Variants in EXOC3L2 observed in about 807,000 individuals in gnomAD.
The protein encoded by EXOC3L2 is exocyst complex component 3 like 2, also known as exocyst complex component 3-like protein 2.
In EXOC3L2, 17 loss-of-function variants were observed where a neutral mutation model predicts 44.4. The ratio of observed to expected loss-of-function variants is 0.38; its 90% CI spans 0.26 to 0.57. The LOEUF (loss-of-function observed/expected upper bound fraction) is 0.57, where lower values mean the gene tolerates loss of function less well. Ranked by LOEUF, EXOC3L2 falls within the 20% of genes least tolerant of loss-of-function variation. EXOC3L2 has a pLI of 0.65. For synonymous variants in EXOC3L2, 256 were observed against 253.7 expected (o/e 1.01, Z -0.09); for missense variants, 541 against 588.4 (o/e 0.92, Z 0.83).
At chr19:45,240,662 G>T (rs1010435659) in intron 1 of EXOC3L2, among the ~76,000 whole-genome samples, 1 of 152,166 alleles carries the variant, frequency 6.6e-6, no homozygotes, top group Non-Finnish European at 1.5e-5. Flanking sequence ...TTGGGAGGTG[G>T]AGGCAGGCAG....
In EXOC3L2 at chr19:45,227,125, C is replaced by CT. The variant is rs57940972; in HGVS notation, c.1583+536dup. ...AAAGGCAAAAAAAAAATCTGTCATT[C>CT]TTTTTTTTTTGAGACGGAGTCTTGC... On this transcript the variant is annotated intron_variant, in intron 7 of 11. Transcript: ENST00000413988. Among the ~76,000 whole-genome samples the CT allele has an allele frequency of 9.0e-3, 1,279 of 142,006 alleles. 18 individuals carry two copies. The highest frequency in any genetic ancestry group is 0.029 in the African/African-American group (1,130 of 38,804). The allele number at this position is 142,006 out of a possible 152,430, so 93.2% of individuals were successfully genotyped here.
chr19:45,218,863 C>T (rs1408401214), intron 8 of EXOC3L2, among the ~76,000 whole-genome samples: 7 of 151,930 alleles, frequency 4.6e-5, no homozygotes, highest in East Asian at 3.9e-4. Flanking sequence ...TTTGGTAGGC[C>T]GAGGCAGGAG....
In EXOC3L2 at chr19:45,228,260, T is replaced by G; in HGVS notation, c.1276A>C (p.Thr426Pro). ...DECVTDVKAQ[T>P]RAALLRVLQE... is the part of the protein sequence containing the mutation. Reference sequence around the variant, plus strand: ...AGCACACGGAGAAGGGCAGCCCGGGTCTGAGCCTACAGTAGGGAGAGGGGA... The same window carrying G: ...AGCACACGGAGAAGGGCAGCCCGGGGCTGAGCCTACAGTAGGGAGAGGGGA... The change falls in exon 5 of 12, where the codon ACC (threonine) becomes CCC (proline). Residue 426 changes from threonine (T) to proline (P), a missense_variant. Coordinates refer to ENST00000413988, the MANE Select transcript of EXOC3L2 (RefSeq NM_001382422.1). The G allele has an allele frequency of 6.2e-7, 1 of 1,613,898 alleles. No homozygotes were observed. Among genetic ancestry groups the G allele is most frequent in the Non-Finnish European group, 8.5e-7 (1 of 1,179,984 alleles).
At chr19:45,215,700 T>C (rs553446780) in intron 11 of EXOC3L2, among the ~76,000 whole-genome samples, 9 of 150,648 alleles carry the variant, frequency 6.0e-5, no homozygotes, top group East Asian at 2.0e-4. Flanking sequence ...CTGGCAGGAG[T>C]TGAATGCCGC....
chr19:45,234,586 G>C lies in EXOC3L2; in HGVS notation c.764C>G (p.Ala255Gly). 1 of 274,460 alleles carries C rather than the reference G, an allele frequency of 3.6e-6. No individual in the cohort carries two copies. Among genetic ancestry groups the C allele is most frequent in the Non-Finnish European group, 6.9e-6 (1 of 145,886 alleles). The allele number at this position is 274,460 out of a possible 1,614,324, so 17.0% of individuals were successfully genotyped here. A position where few individuals can be genotyped will look rare whatever the true frequency, so the allele number is the denominator to read the frequency against. Reference sequence around the variant, plus strand: ...CAGCTGCGCCACCGCGCCAGCCCCGGCGCACGCTCCCGGCCCGGGGCCCGC... The same window carrying C: ...CAGCTGCGCCACCGCGCCAGCCCCGCCGCACGCTCCCGGCCCGGGGCCCGC... Reference protein sequence around the residue: ...TLAGPGPGACAGAGAVAQLGQ... With the variant: ...TLAGPGPGACGGAGAVAQLGQ... Residue 255 changes from alanine (A) to glycine (G), a missense_variant, in exon 3 of 12, where the codon GCC becomes GGC. Physicochemically the swap from Ala to Gly is moderately conservative, Grantham distance 60. Transcript: ENST00000413988. This position sits in a 1 kb window ranked among gnomAD's most constrained non-coding sequence, Gnocchi z 5.0.
intron 8 of EXOC3L2, among the ~76,000 whole-genome samples, chr19:45,220,468 T>C (rs1445165530): frequency 5.3e-5 from 8 of 151,910 alleles, no homozygotes; most frequent in South Asian, 2.1e-4. Flanking sequence ...AGATTCTATC[T>C]CAAAAAAACA....
rs577588464 is a variant in EXOC3L2, at chr19:45,238,882, C to T, written c.164G>A (p.Arg55His). Residue 55 changes from arginine (R) to histidine (H), a missense_variant, in exon 2 of 12, where the codon CGC becomes CAC. Physicochemically the swap from Arg to His is conservative, Grantham distance 29 (BLOSUM62 0). Coordinates refer to ENST00000413988, the MANE Select transcript of EXOC3L2 (RefSeq NM_001382422.1). This position sits in a 1 kb window ranked among gnomAD's most constrained non-coding sequence, Gnocchi z 5.5. ...SLPNGTSCRRRATLEKLAGLA... is the reference protein window; with the variant it reads ...SLPNGTSCRRHATLEKLAGLA... ...GCCCGCAAGCTTCTCCAGGGTGGCG[C>T]GGCGGCGACAAGATGTTCCATTGGG... The T allele has an allele frequency of 9.0e-4, 361 of 399,174 alleles. 1 individual carries two copies. The highest frequency in any genetic ancestry group is 3.0e-3 in the East Asian group (85 of 28,074). The allele number at this position is 399,174 out of a possible 1,614,324, so 24.7% of individuals were successfully genotyped here. A position where few individuals can be genotyped will look rare whatever the true frequency, so the allele number is the denominator to read the frequency against.
rs749366737 is a variant in EXOC3L2, at chr19:45,218,248, C to G, written c.1791G>C (p.Thr597=). The G allele has an allele frequency of 1.2e-6, 2 of 1,606,272 alleles. No homozygotes were observed. Among genetic ancestry groups the G allele is most frequent in the Admixed American group, 1.7e-5 (1 of 59,538 alleles). ...GCAGGGCCAGGGCCTGGGCACCCAG[C>G]GTGCCCACGATGCCATCCAGGGCCT... ...SPEALDGIVG[T]LGAQALALRR... Residue 597 remains threonine, a synonymous_variant, in exon 9 of 12, where the codon ACG becomes ACC. Coordinates refer to ENST00000413988, the MANE Select transcript of EXOC3L2 (RefSeq NM_001382422.1).
intron 8 of EXOC3L2, 82 bp downstream of exon 8, chr19:45,224,696 C>A: frequency 6.7e-7 from 1 of 1,490,492 alleles, no homozygotes; most frequent in Non-Finnish European, 9.0e-7. Context: ...GAGCCATGGG[C>A]TAAAAGGAAC....
intron 8 of EXOC3L2, among the ~76,000 whole-genome samples, chr19:45,222,604 C>G (rs570983525): frequency 8.5e-5 from 13 of 152,252 alleles, no homozygotes; most frequent in African/African-American, 3.1e-4. Flanking sequence ...CTCCCTGTTT[C>G]TTTTGCTTCT....
chr19:45,229,264 ATTAAATATATAC>A (rs1970002315), intron 4 of EXOC3L2, among the ~76,000 whole-genome samples: 1 of 122,446 alleles, frequency 8.2e-6, no homozygotes, highest in African/African-American at 3.4e-5. Context: ...ATATTTATGT[ATTAAATATATAC>A]ATATATTTAT....
At chr19:45,219,455 TTAAC>T (rs1446954937) in intron 8 of EXOC3L2, among the ~76,000 whole-genome samples, 1 of 150,208 alleles carries the variant, frequency 6.7e-6, no homozygotes, top group Non-Finnish European at 1.5e-5. Context: ...TTAAAATTCA[TTAAC>T]TATGCACAGC....
intron 7 of EXOC3L2, among the ~76,000 whole-genome samples, chr19:45,225,182 AG>A (rs72123962): frequency 0.13 from 10,746 of 84,052 alleles, 585 homozygotes; most frequent in African/African-American, 0.23. Flanking sequence ...GGGGGAGGGA[AG>A]GGGGGTCTCT....
At chr19:45,227,454 G>A (rs1002808034) in intron 7 of EXOC3L2, among the ~76,000 whole-genome samples, 8 of 152,042 alleles carry the variant, frequency 5.3e-5, no homozygotes, top group Admixed American at 6.6e-5. Context: ...TGAGTCCGGC[G>A]TCTAGGATTC....
At chr19:45,226,434 CTCTTT>C (rs1171908988) in intron 7 of EXOC3L2, among the ~76,000 whole-genome samples, 1 of 151,958 alleles carries the variant, frequency 6.6e-6, no homozygotes, top group Non-Finnish European at 1.5e-5. Flanking sequence ...AGACCTCCAT[CTCTTT>C]TATTTTCTTT....
intron 8 of EXOC3L2, among the ~76,000 whole-genome samples, chr19:45,222,239 G>A (rs376658889): frequency 4.3e-5 from 6 of 140,144 alleles, no homozygotes; most frequent in Non-Finnish European, 7.6e-5. Flanking sequence ...TCACTCTGTC[G>A]CCCAGGCTGA....
rs982061749 is a variant in EXOC3L2 at position 45,238,121 on chromosome 19, G to C, written c.523+402C>G. Among the ~76,000 whole-genome samples the C allele has an allele frequency of 6.6e-6, 1 of 151,972 alleles. No homozygotes were observed. The highest frequency in any genetic ancestry group is 2.4e-5 in the African/African-American group (1 of 41,368). On this transcript the variant is annotated intron_variant, in intron 2 of 11. Coordinates refer to ENST00000413988, the MANE Select transcript of EXOC3L2 (RefSeq NM_001382422.1). This position sits in a 1 kb window ranked among gnomAD's most constrained non-coding sequence, Gnocchi z 5.5. ...CCACTGCACTCCAGCCTGGGCGACA[G>C]AGGCAAAAAAATAATAATAATAAAA...
At chr19:45,244,167 T>C (rs2122998896) in intron 1 of EXOC3L2, among the ~76,000 whole-genome samples, 1 of 152,178 alleles carries the variant, frequency 6.6e-6, no homozygotes, top group East Asian at 1.9e-4. Flanking sequence ...GCGATCCACC[T>C]GCCCCAGCCT....
intron 4 of EXOC3L2, 38 bp downstream of exon 4, chr19:45,231,725 C>T: frequency 5.1e-6 from 8 of 1,568,250 alleles, no homozygotes; most frequent in Non-Finnish European, 7.0e-6. Context: ...CCTCCCTCCA[C>T]AGCACCTCCT....
Sources: gnomAD v4.1 joint callset for allele counts (sites outside exome capture counted in the v4.1 genomes callset) on GRCh38, gnomAD v4.1.1 for gene constraint, Gnocchi (gnomAD v3.1) non-coding constraint, MANE v1.5 for transcripts, NCBI Gene and HGNC (gene_info 2026-07-23, HGNC 2026-07-21) for gene names.